The following CNTNAP4 variants were observed in gnomAD, a reference collection of about 807,000 sequenced individuals.
The protein encoded by CNTNAP4 is contactin associated protein family member 4, also known as contactin-associated protein-like 4.
CNTNAP4 carries 98 observed loss-of-function variants against 148.4 expected under a neutral mutation model. That is an observed-to-expected ratio of 0.66 (90% CI 0.56 to 0.78). The LOEUF (loss-of-function observed/expected upper bound fraction) is 0.78. CNTNAP4 is among the 30% of genes least tolerant of loss of function. The pLI is 0.00. For synonymous variants in CNTNAP4, 730 were observed against 565.1 expected, an observed-to-expected ratio of 1.29 and a Z score of -4.14; for missense variants, 1,935 against 1,565.6, an observed-to-expected ratio of 1.24 and a Z score of -3.98.
chr16:76,457,889 C>T (rs868554375), intron 8 of CNTNAP4, among the ~76,000 whole-genome samples: 1 of 150,074 alleles, frequency 6.7e-6, no homozygotes, highest in Non-Finnish European at 1.5e-5. Flanking sequence ...TTCAATTGAA[C>T]CCATTACCCA....
chr16:76,442,191 G>C (rs1358537242), intron 4 of CNTNAP4, among the ~76,000 whole-genome samples: 1 of 152,108 alleles, frequency 6.6e-6, no homozygotes, highest in Admixed American at 6.6e-5. Flanking sequence ...ATTTGAAGAT[G>C]CTGTGACACT....
Position 76,449,727 on chromosome 16 carries a change from G to C in CNTNAP4, c.940G>C (p.Gly314Arg), listed in dbSNP as rs780076343. ...TTTTCTTTCTAAGATCAGCTTTGGA[G>C]GGATTCCAGCACCTGGAAAATCAGT... ...MNLDYEISFG[G>R]IPAPGKSVSF... is the part of the protein sequence containing the mutation. Residue 314 changes from glycine to arginine, a missense_variant, in exon 7 of 24, where the codon GGG (glycine) becomes CGG (arginine). Gly to Arg is a moderately radical substitution (Grantham distance 125). Coordinates refer to ENST00000611870, the MANE Select transcript of CNTNAP4 (RefSeq NM_033401.5). 1 of 1,588,326 alleles carries C rather than the reference G, an allele frequency of 6.3e-7. No individual in the cohort carries two copies. Among genetic ancestry groups the C allele is most frequent in the South Asian group, 1.2e-5 (1 of 86,408 alleles).
rs1219174577 is a variant in CNTNAP4 at position 76,462,091 on chromosome 16, C to G, written c.1469C>G (p.Thr490Ser). The G allele has an allele frequency of 1.2e-6, 2 of 1,613,236 alleles. No homozygotes were observed. The highest frequency in any genetic ancestry group is 1.7e-6 in the Non-Finnish European group (2 of 1,179,578). The change falls in exon 9 of 24, where the codon ACC becomes AGC. Residue 490 changes from threonine (T) to serine (S), a missense_variant. Transcript: ENST00000611870. The stretch of plus-strand genomic sequence containing the variant: ...CCTGAGCAGATTTATTCGGGTGGCA[C>G]CTATTATTTTGGAGGTAAGAATAGG... ...LGPEQIYSGG[T>S]YYFGGCPDKS...
rs1568498171 is a variant in CNTNAP4, at chr16:76,522,737, T to TC, written c.2755+480_2755+481insC. Among the ~76,000 whole-genome samples, 148 of 105,562 alleles carry TC rather than the reference T, an allele frequency of 1.4e-3. 7 individuals are homozygous for TC. The highest frequency in any genetic ancestry group is 3.7e-3 in the African/African-American group (93 of 25,118). The allele number at this position is 105,562 out of a possible 152,430, so 69.3% of individuals were successfully genotyped here. The stretch of plus-strand genomic sequence containing the variant: ...TTTTCTTTTCTTTTCTTTTCTTTTC[T>TC]TTTCTTTTCTTTTCTTTTCTTTTCT... On this transcript the variant is annotated intron_variant, in intron 17 of 23. Coordinates refer to ENST00000611870, the MANE Select transcript of CNTNAP4 (RefSeq NM_033401.5).
At chr16:76,285,286 T>A (rs530528757) in intron 1 of CNTNAP4, among the ~76,000 whole-genome samples, 1 of 152,118 alleles carries the variant, frequency 6.6e-6, no homozygotes, top group South Asian at 2.1e-4. Flanking sequence ...AGTTAATGAG[T>A]CATTCCAATG....
intron 3 of CNTNAP4, among the ~76,000 whole-genome samples, chr16:76,413,095 C>T (rs1395681520): frequency 1.3e-5 from 2 of 151,234 alleles, no homozygotes; most frequent in African/African-American, 2.4e-5. Flanking sequence ...AGTGTTTATC[C>T]TTTGAGTTAC....
At chr16:76,340,825 A>G (rs1336625297) in intron 2 of CNTNAP4, among the ~76,000 whole-genome samples, 1 of 152,166 alleles carries the variant, frequency 6.6e-6, no homozygotes, top group Non-Finnish European at 1.5e-5. Flanking sequence ...TCTCTCTGCT[A>G]AAATTTGATC....
intron 3 of CNTNAP4, among the ~76,000 whole-genome samples, chr16:76,416,228 G>A (rs1042342547): frequency 5.3e-5 from 8 of 150,970 alleles, no homozygotes; most frequent in African/African-American, 9.7e-5. Context: ...TTAGTTTGTT[G>A]ATTTTCTCGA....
Position 76,522,248 on chromosome 16 carries a change from C to G in CNTNAP4, c.2746C>G (p.Leu916Val). 6.2e-7 allele frequency: 1 copy of G among 1,613,654 alleles called. No individual in the cohort carries two copies. The highest frequency in any genetic ancestry group is 8.5e-7 in the Non-Finnish European group (1 of 1,179,728). Residue 916 changes from leucine to valine, a missense_variant, in exon 17 of 24, where the codon CTC becomes GTC. Leu to Val is a conservative substitution (Grantham distance 32, BLOSUM62 1). Transcript: ENST00000611870. Reference protein sequence around the residue: ...GHVLLQLNSQLFVGGTATRQR... With the variant: ...GHVLLQLNSQVFVGGTATRQR... ...TGTCCTGTTACAGCTCAACAGTCAG[C>G]TCTTCGTGGGTAAGTTCTCTTTTTA...
chr16:76,392,842 T>A (rs950792085), intron 3 of CNTNAP4, among the ~76,000 whole-genome samples: 2 of 152,156 alleles, frequency 1.3e-5, no homozygotes, highest in African/African-American at 4.8e-5. Context: ...GTCTCACAGC[T>A]TGAAGATGCC....
At chr16:76,364,153 C>T (rs1428754) in intron 3 of CNTNAP4, among the ~76,000 whole-genome samples, 38,846 of 138,848 alleles carry the variant, frequency 0.28, 5,791 homozygotes, top group Non-Finnish European at 0.35. Context: ...ATGAGAATCA[C>T]TAGAACCTGG....
intron 2 of CNTNAP4, 149 bp downstream of exon 2, chr16:76,316,672 A>G: frequency 3.2e-6 from 2 of 625,688 alleles, no homozygotes; most frequent in East Asian, 2.7e-5. Context: ...TGTATATGAC[A>G]TCTAGCTTCT....
intron 13 of CNTNAP4, among the ~76,000 whole-genome samples, chr16:76,491,708 T>G (rs1047698542): frequency 6.6e-6 from 1 of 152,216 alleles, no homozygotes; most frequent in Non-Finnish European, 1.5e-5. Flanking sequence ...TCAGGTCATT[T>G]ATGTGGAAAA....
intron 2 of CNTNAP4, among the ~76,000 whole-genome samples, chr16:76,335,621 C>T (rs1486377994): frequency 6.6e-6 from 1 of 152,146 alleles, no homozygotes; most frequent in Non-Finnish European, 1.5e-5. Context: ...ATCCTCCTTT[C>T]ACATTCAGTT....
At chr16:76,381,392 C>T (rs1230976236) in intron 3 of CNTNAP4, among the ~76,000 whole-genome samples, 1 of 152,220 alleles carries the variant, frequency 6.6e-6, no homozygotes, top group Non-Finnish European at 1.5e-5. Context: ...ACACATGGCT[C>T]TATCTAGGAG....
At chr16:76,550,621 A>G (rs2084917697) in intron 21 of CNTNAP4, among the ~76,000 whole-genome samples, 4 of 151,928 alleles carry the variant, frequency 2.6e-5, no homozygotes, top group South Asian at 4.2e-4. Flanking sequence ...TTATGCTCCT[A>G]TGAGAGTTTT....
At chr16:76,327,383 T>G (rs554475478) in intron 2 of CNTNAP4, among the ~76,000 whole-genome samples, 1 of 152,324 alleles carries the variant, frequency 6.6e-6, no homozygotes, top group Admixed American at 6.5e-5. Flanking sequence ...GGAAATGGTT[T>G]TGTTGTTTTT....
intron 9 of CNTNAP4, among the ~76,000 whole-genome samples, chr16:76,466,691 T>C (rs1005792064): frequency 6.6e-6 from 1 of 152,038 alleles, no homozygotes; most frequent in Non-Finnish European, 1.5e-5. Flanking sequence ...TAAACCAGCC[T>C]TATATAAATG....
At chr16:76,496,133 T>C (rs1244071267) in intron 14 of CNTNAP4, among the ~76,000 whole-genome samples, 1 of 148,100 alleles carries the variant, frequency 6.8e-6, no homozygotes, top group African/African-American at 2.5e-5. Context: ...GAATTGCACT[T>C]ACTTTTAGTG....
Sources: gnomAD v4.1 joint callset for allele counts (sites outside exome capture counted in the v4.1 genomes callset) on GRCh38, gnomAD v4.1.1 for gene constraint, MANE v1.5 for transcripts, NCBI Gene and HGNC (gene_info 2026-07-23, HGNC 2026-07-21) for gene names.